The following NEK7 variants were observed in gnomAD, a reference collection of about 807,000 sequenced individuals.
NEK7 encodes serine/threonine-protein kinase Nek7.
A neutral mutation model predicts 44.6 loss-of-function variants in NEK7; 18 were observed. The observed-to-expected ratio is 0.40, with a 90% CI of 0.28 to 0.60. The LOEUF is 0.60. NEK7 is among the 20% of genes least tolerant of loss of function. The pLI is 0.38. For synonymous variants in NEK7, 130 were observed against 121.1 expected (o/e 1.07, Z -0.48); for missense variants, 256 against 366.5 (o/e 0.70, Z 2.46).
At chr1:198,291,208 G>A (rs529650146) in intron 7 of NEK7, among the ~76,000 whole-genome samples, 5 of 152,196 alleles carry the variant, frequency 3.3e-5, no homozygotes, top group African/African-American at 1.2e-4. Context: ...GTTTTCAGTT[G>A]CCCCCCTGTG....
chr1:198,314,968 G>A (rs1655310604), intron 9 of NEK7, among the ~76,000 whole-genome samples: 1 of 152,214 alleles, frequency 6.6e-6, no homozygotes, highest in Non-Finnish European at 1.5e-5. Context: ...CACCCAGTTG[G>A]TGCTTCCCGG....
At chr1:198,183,156 A>T (rs1170708449) in intron 1 of NEK7, among the ~76,000 whole-genome samples, 2 of 152,222 alleles carry the variant, frequency 1.3e-5, no homozygotes, top group Admixed American at 6.5e-5. Flanking sequence ...ATGAAAAATC[A>T]ACCCTATAAC....
At chr1:198,193,613 G>A (rs1337984065) in intron 1 of NEK7, among the ~76,000 whole-genome samples, 1 of 152,156 alleles carries the variant, frequency 6.6e-6, no homozygotes, top group Non-Finnish European at 1.5e-5. Flanking sequence ...TATCCACCAT[G>A]ATCAAGTTGG....
chr1:198,297,012 G>A (rs1053466159), intron 8 of NEK7, 115 bp from the exon 9 acceptor site: 5 of 639,636 alleles, frequency 7.8e-6, no homozygotes, highest in Non-Finnish European at 1.3e-5. Context: ...AAAATGCCCA[G>A]GTATCTCTAT....
chr1:198,303,475 GC>G (rs1302157042), intron 9 of NEK7, among the ~76,000 whole-genome samples: 1 of 151,680 alleles, frequency 6.6e-6, no homozygotes, highest in Non-Finnish European at 1.5e-5. Flanking sequence ...GAAAAGAACT[GC>G]TTTATGTAAA....
intron 2 of NEK7, among the ~76,000 whole-genome samples, chr1:198,243,371 T>C (rs929232888): frequency 2.6e-5 from 4 of 152,190 alleles, no homozygotes; most frequent in Non-Finnish European, 5.9e-5. Flanking sequence ...GTGGAATAAA[T>C]GAATAAATTT....
chr1:198,319,528 C>G lies in NEK7; in HGVS notation c.*6C>G, dbSNP rs1209533446. 1 of 1,605,518 alleles carries G rather than the reference C, an allele frequency of 6.2e-7. No individual in the cohort carries two copies. On this transcript the variant is annotated 3_prime_UTR_variant, in exon 10 of 10. Coordinates refer to ENST00000367385, the MANE Select transcript of NEK7 (RefSeq NM_133494.3). ...CATGCACTGCAAGCAGCTAAACATG[C>G]AAGATCATGAAGAGTGTAACCAAAG...
chr1:198,166,780 T>C (rs1664281489), intron 1 of NEK7, among the ~76,000 whole-genome samples: 1 of 152,182 alleles, frequency 6.6e-6, no homozygotes, highest in Non-Finnish European at 1.5e-5. Context: ...ATAATAATAG[T>C]GACATAGTTT....
intron 1 of NEK7, among the ~76,000 whole-genome samples, chr1:198,221,342 G>A (rs1666073084): frequency 6.6e-6 from 1 of 151,812 alleles, no homozygotes; most frequent in Non-Finnish European, 1.5e-5. Flanking sequence ...GAAAGATTAT[G>A]AGATTGACCA....
chr1:198,160,128 A>G (rs547606860), intron 1 of NEK7, among the ~76,000 whole-genome samples: 16 of 152,242 alleles, frequency 1.1e-4, no homozygotes, highest in African/African-American at 3.9e-4. Flanking sequence ...ACTAAACACT[A>G]TTTTCCTAGG....
At chr1:198,316,933 A>G (rs975208108) in intron 9 of NEK7, among the ~76,000 whole-genome samples, 2 of 152,248 alleles carry the variant, frequency 1.3e-5, no homozygotes, top group East Asian at 3.8e-4. Flanking sequence ...ATCCGGTGCC[A>G]TCAAGTATCA....
At chr1:198,263,979 C>G (rs539232248) in intron 4 of NEK7, 146 bp from the exon 5 acceptor site, 1 of 643,094 alleles carries the variant, frequency 1.6e-6, no homozygotes, top group African/African-American at 1.9e-5. Flanking sequence ...ATTTGTTTCA[C>G]AATTCACTAA....
intron 1 of NEK7, among the ~76,000 whole-genome samples, chr1:198,171,638 A>G (rs964100848): frequency 6.6e-6 from 1 of 151,938 alleles, no homozygotes; most frequent in Admixed American, 6.6e-5. Flanking sequence ...GAGATTGTGC[A>G]ACTGCACTCC....
At chr1:198,160,023 C>G (rs1271116106) in intron 1 of NEK7, among the ~76,000 whole-genome samples, 5 of 151,664 alleles carry the variant, frequency 3.3e-5, no homozygotes, top group Non-Finnish European at 5.9e-5. Flanking sequence ...TTTTTTTCCC[C>G]TCAATTATTG....
At position 198,169,951 on chromosome 1, in the gene NEK7, A is replaced by G. The variant is rs766156417; in HGVS notation, c.-29+12675A>G. Among the ~76,000 whole-genome samples, 11 of 151,934 alleles carry G rather than the reference A, an allele frequency of 7.2e-5. 1 individual carries two copies. Among genetic ancestry groups the G allele is most frequent in the Non-Finnish European group, 1.5e-4 (10 of 67,954 alleles). ...AAAGAATGGCAGATGACTGCTTCCC[A>G]GAGACTACACTTGACAGGAGGTCTA... On this transcript the variant is annotated intron_variant, in intron 1 of 9. Coordinates refer to ENST00000367385, the MANE Select transcript of NEK7 (RefSeq NM_133494.3).
chr1:198,231,704 A>G (rs1408792353), intron 1 of NEK7, among the ~76,000 whole-genome samples: 1 of 152,088 alleles, frequency 6.6e-6, no homozygotes, highest in Non-Finnish European at 1.5e-5. Context: ...TTAGAAAGAC[A>G]AGTCACAGGG....
chr1:198,244,029 G>A (rs1558074472), intron 2 of NEK7, among the ~76,000 whole-genome samples: 1 of 148,772 alleles, frequency 6.7e-6, no homozygotes, highest in Non-Finnish European at 1.5e-5. Context: ...AAAGATAAAA[G>A]ATAATAGCAT....
chr1:198,238,672 A>C (rs1314713449), intron 2 of NEK7, among the ~76,000 whole-genome samples: 1 of 152,238 alleles, frequency 6.6e-6, no homozygotes, highest in Admixed American at 6.5e-5. Flanking sequence ...GAGGAGACTG[A>C]GGCTCCGACT....
intron 2 of NEK7, among the ~76,000 whole-genome samples, chr1:198,242,912 C>T (rs1446865805): frequency 7.3e-5 from 11 of 151,136 alleles, no homozygotes; most frequent in Admixed American, 4.6e-4. Flanking sequence ...TCAAGTGATC[C>T]GCCTGCCTTG....
Sources: allele counts gnomAD v4.1 joint callset (sites outside exome capture counted in the v4.1 genomes callset), GRCh38; gene constraint gnomAD v4.1.1; transcripts MANE v1.5; gene names NCBI Gene and HGNC (gene_info 2026-07-23, HGNC 2026-07-21).